AUTS2: variants seen among roughly 807,000 people sequenced by gnomAD.
The protein encoded by AUTS2 is autism susceptibility gene 2 protein.
Under a neutral mutation model 112.4 loss-of-function variants are expected in AUTS2, and 17 were observed. The ratio of observed to expected loss-of-function variants is 0.15; its 90% CI spans 0.10 to 0.23. The LOEUF (loss-of-function observed/expected upper bound fraction) is 0.23, where lower values mean the gene tolerates loss of function less well. Ranked by LOEUF, AUTS2 falls within the 10% of genes least tolerant of loss-of-function variation. AUTS2 has a pLI of 1.00. For missense variants in AUTS2, 1,510 were observed against 1,701.6 expected (o/e 0.89, Z 1.98); for synonymous variants, 751 against 702.7 (o/e 1.07, Z -1.09).
chr7:70,584,710 C>T (rs1802604803), intron 5 of AUTS2, among the ~76,000 whole-genome samples: 1 of 152,260 alleles, frequency 6.6e-6, no homozygotes, highest in Non-Finnish European at 1.5e-5. Flanking sequence ...ACACCACAGG[C>T]CCCTGTTCCA....
chr7:70,546,634 C>A (rs542893461), intron 5 of AUTS2, among the ~76,000 whole-genome samples: 1 of 151,896 alleles, frequency 6.6e-6, no homozygotes, highest in East Asian at 2.0e-4. Flanking sequence ...AAAAAATTAG[C>A]CGGGCATGGT....
chr7:70,419,393 C>A (rs1468267599), intron 4 of AUTS2, among the ~76,000 whole-genome samples: 1 of 136,598 alleles, frequency 7.3e-6, no homozygotes, highest in Non-Finnish European at 1.5e-5. Context: ...AAGACTCCTT[C>A]TTTCACTGTA....
chr7:70,615,741 C>T (rs915052921), intron 5 of AUTS2, among the ~76,000 whole-genome samples: 3 of 152,134 alleles, frequency 2.0e-5, no homozygotes, highest in Non-Finnish European at 4.4e-5. Flanking sequence ...CAGTGCAAAA[C>T]GGCAGTGTGT....
chr7:70,144,890 G>C (rs1807049958), intron 4 of AUTS2, among the ~76,000 whole-genome samples: 1 of 152,030 alleles, frequency 6.6e-6, no homozygotes, highest in African/African-American at 2.4e-5. Flanking sequence ...AAGTCTAATG[G>C]ATTCTGTCTT....
At chr7:69,878,859 G>A (rs527540959) in intron 1 of AUTS2, among the ~76,000 whole-genome samples, 12 of 152,192 alleles carry the variant, frequency 7.9e-5, no homozygotes, top group Admixed American at 3.9e-4. Context: ...TCAACCAGTC[G>A]CTCTTAAGAT....
At chr7:69,750,156 T>TAGTA in intron 1 of AUTS2, among the ~76,000 whole-genome samples, 1 of 152,190 alleles carries the variant, frequency 6.6e-6, no homozygotes, top group East Asian at 1.9e-4. Context: ...ACTGCTGGTG[T>TAGTA]AGTAGTACAT....
intron 14 of AUTS2, among the ~76,000 whole-genome samples, chr7:70,780,513 C>T (rs9638276): frequency 0.11 from 16,319 of 151,726 alleles, 1,122 homozygotes; most frequent in East Asian, 0.34. Context: ...GTAGCTGGGA[C>T]GACAGGCGTG....
intron 2 of AUTS2, among the ~76,000 whole-genome samples, chr7:70,017,853 T>G (rs1410177993): frequency 6.7e-6 from 1 of 148,306 alleles, no homozygotes; most frequent in East Asian, 1.9e-4. Context: ...CTTTTATATA[T>G]TTATATTATA....
chr7:69,763,209 G>A, intron 1 of AUTS2, among the ~76,000 whole-genome samples: 1 of 152,194 alleles, frequency 6.6e-6, no homozygotes, highest in African/African-American at 2.4e-5. Context: ...TAGTTGAATA[G>A]TACATTAGGG....
chr7:70,271,848 G>T (rs140701585), intron 4 of AUTS2, among the ~76,000 whole-genome samples: 1 of 152,236 alleles, frequency 6.6e-6, no homozygotes, highest in East Asian at 1.9e-4. Context: ...AATATCTGCC[G>T]CATATTGTTA....
chr7:70,160,621 C>T (rs1219549720), intron 4 of AUTS2, among the ~76,000 whole-genome samples: 1 of 152,148 alleles, frequency 6.6e-6, no homozygotes, highest in Non-Finnish European at 1.5e-5. Context: ...ACAGTTATCA[C>T]CCAAAATGCA....
At chr7:70,380,755 G>A (rs1585080035) in intron 4 of AUTS2, among the ~76,000 whole-genome samples, 3 of 152,240 alleles carry the variant, frequency 2.0e-5, no homozygotes, top group African/African-American at 7.2e-5. Flanking sequence ...ACAGGAGGGA[G>A]CAGAGCTCCC....
At chr7:69,801,057 C>T (rs1373146558) in intron 1 of AUTS2, among the ~76,000 whole-genome samples, 11 of 152,042 alleles carry the variant, frequency 7.2e-5, no homozygotes, top group Non-Finnish European at 1.3e-4. Flanking sequence ...TTCATACTTA[C>T]TGTTATCCCC....
At chr7:70,001,287 A>G (rs1007279807) in intron 2 of AUTS2, among the ~76,000 whole-genome samples, 16 of 151,930 alleles carry the variant, frequency 1.1e-4, no homozygotes, top group African/African-American at 3.4e-4. Context: ...CACCACGCCT[A>G]TCTAATTTTT....
intron 1 of AUTS2, among the ~76,000 whole-genome samples, chr7:69,836,176 AAACT>A (rs1233697139): frequency 6.6e-6 from 1 of 152,194 alleles, no homozygotes; most frequent in African/African-American, 2.4e-5. Flanking sequence ...ATTTTAGACA[AAACT>A]AACATTTTCT....
intron 4 of AUTS2, among the ~76,000 whole-genome samples, chr7:70,351,001 C>G (rs1472388606): frequency 1.3e-5 from 2 of 149,864 alleles, no homozygotes; most frequent in South Asian, 2.1e-4. Flanking sequence ...GCTTATTTCA[C>G]TTATCATCGT....
intron 5 of AUTS2, among the ~76,000 whole-genome samples, chr7:70,612,025 A>G (rs1226557134): frequency 6.6e-6 from 1 of 152,236 alleles, no homozygotes; most frequent in Non-Finnish European, 1.5e-5. Flanking sequence ...GAGTGTGTAT[A>G]ATGTATACAC....
chr7:70,147,888 CG>C (rs1275225306), intron 4 of AUTS2, among the ~76,000 whole-genome samples: 2 of 151,688 alleles, frequency 1.3e-5, no homozygotes, highest in Non-Finnish European at 2.9e-5. Context: ...TTTCTGTCAC[CG>C]GCAGTACCTG....
intron 2 of AUTS2, among the ~76,000 whole-genome samples, chr7:70,027,799 G>A (rs1252866608): frequency 1.3e-5 from 2 of 152,106 alleles, no homozygotes; most frequent in Admixed American, 6.6e-5. Context: ...AACCTAGATC[G>A]ACCTCAGGGA....
Sources: allele counts gnomAD v4.1 joint callset (sites outside exome capture counted in the v4.1 genomes callset), GRCh38; gene constraint gnomAD v4.1.1; transcripts MANE v1.5; gene names NCBI Gene and HGNC (gene_info 2026-07-23, HGNC 2026-07-21).